Variants in EPG5 observed in about 807,000 individuals in gnomAD.
The protein encoded by EPG5 is ectopic P-granules 5 autophagy tethering factor, also known as ectopic P granules protein 5 homolog.
EPG5 carries 159 observed loss-of-function variants against 302.7 expected under a neutral mutation model. The ratio of observed to expected loss-of-function variants is 0.53; its 90% CI spans 0.46 to 0.60. The LOEUF is 0.60. EPG5 is among the 20% of genes least tolerant of loss of function. EPG5 has a pLI of 0.00. For synonymous variants in EPG5, 1,158 were observed against 1,136.8 expected (o/e 1.02, Z -0.37); for missense variants, 2,896 against 3,092.4 (o/e 0.94, Z 1.51).
At chr18:45,825,429 G>A in the EPG5 span, 13 of 494,706 alleles carry the variant, frequency 2.6e-5, no homozygotes, top group African/African-American at 1.7e-4. Flanking sequence ...GGCAGCCACA[G>A]GAAATGGCCC....
At chr18:45,930,941 C>CT (rs2050384495) in intron 11 of EPG5, 111 bp from the exon 12 acceptor site, 6 of 1,065,268 alleles carry the variant, frequency 5.6e-6, no homozygotes, top group Non-Finnish European at 7.8e-6. Flanking sequence ...AAAGGTCTTT[C>CT]TTTGTTCCAA....
chr18:45,864,478 C>T (rs976016427), intron 39 of EPG5, among the ~76,000 whole-genome samples: 1 of 152,176 alleles, frequency 6.6e-6, no homozygotes, highest in Non-Finnish European at 1.5e-5. Flanking sequence ...CTTATTTCAG[C>T]ATATAATAAA....
intron 22 of EPG5, 32 bp from the exon 23 acceptor site, chr18:45,910,774 T>A (rs761850164): frequency 6.4e-7 from 1 of 1,552,146 alleles, no homozygotes. Flanking sequence ...TCTATAACCT[T>A]TCAACACAAG....
chr18:45,922,663 C>T lies in EPG5; in HGVS notation c.2839-63G>A, dbSNP rs956262079. 13 of 1,559,658 alleles carry T rather than the reference C, an allele frequency of 8.3e-6. No individual in the cohort carries two copies. In the African/African-American group the frequency reaches 1.4e-4, roughly 16 times the overall value. ...CACAAATTAAATCAGTAAGCTCATA[C>T]ACTCATCTCCTTTTGTGACCAACAA... is the stretch of plus-strand genomic sequence containing the variant. On this transcript the variant is annotated intron_variant, in intron 15 of 43. Transcript: ENST00000282041.
chr18:45,931,482 T>A (rs988572517), intron 11 of EPG5, among the ~76,000 whole-genome samples: 1 of 152,144 alleles, frequency 6.6e-6, no homozygotes, highest in Admixed American at 6.6e-5. Flanking sequence ...CAAATATACA[T>A]GACAGTAAAC....
intron 10 of EPG5, among the ~76,000 whole-genome samples, chr18:45,935,931 G>A (rs1168437897): frequency 6.6e-6 from 1 of 152,064 alleles, no homozygotes; most frequent in Admixed American, 6.6e-5. Flanking sequence ...AGCCCTCCTT[G>A]GACTTCCTCC....
In EPG5 at chr18:45,866,970, GAGCTT is replaced by G; in HGVS notation, c.6444_6448del (p.Ser2149ThrfsTer35). 1 of 1,614,180 alleles carries G rather than the reference GAGCTT, an allele frequency of 6.2e-7. No individual in the cohort carries two copies. The highest frequency in any genetic ancestry group is 1.1e-5 in the South Asian group (1 of 91,086). ...AATATCCACAAGATGCCATGAAAGTGAGCTTGTCTGTCCAAGGAGACTAAGTAAAG... is the reference window on the plus strand; with the variant it reads ...AATATCCACAAGATGCCATGAAAGTGGTCTGTCCAAGGAGACTAAGTAAAG... On this transcript the variant is annotated frameshift_variant, in exon 38 of 44. Coordinates refer to ENST00000282041, the MANE Select transcript of EPG5 (RefSeq NM_020964.3). LOFTEE classifies it high-confidence loss of function.
In EPG5 at chr18:45,884,625, G is replaced by C; in HGVS notation, c.5296C>G (p.Leu1766Val). The C allele has an allele frequency of 6.2e-7, 1 of 1,601,854 alleles. No individual in the cohort carries two copies. The highest frequency in any genetic ancestry group is 8.5e-7 in the Non-Finnish European group (1 of 1,175,964). ...ATGGAATTACATCTTACCTTGGTTA[G>C]CAGCATGAAAATCATATCACTGTTG... Reference protein sequence around the residue: ...EDNSDMIFMLLTKFDLKQWLS... With the variant: ...EDNSDMIFMLVTKFDLKQWLS... The change falls in exon 30 of 44, where the codon CTA becomes GTA. Residue 1766 changes from leucine (L) to valine (V), a missense_variant. Physicochemically the swap from Leu to Val is conservative, Grantham distance 32. Around this residue, in one of 5 missense-constraint regions of EPG5, gnomAD observed 790 missense variants for 798.0 expected, o/e 0.99. Coordinates refer to ENST00000282041, the MANE Select transcript of EPG5 (RefSeq NM_020964.3).
intron 24 of EPG5, chr18:45,907,329 C>T (rs2049777874): frequency 6.6e-6 from 1 of 152,122 alleles, no homozygotes; most frequent in Admixed American, 6.6e-5. Context: ...AATTATCTTC[C>T]CCACTTTTTC....
downstream of EPG5, among the ~76,000 whole-genome samples, chr18:45,844,892 T>G (rs1194342740): frequency 6.6e-6 from 1 of 152,212 alleles, no homozygotes; most frequent in Non-Finnish European, 1.5e-5. Context: ...GAGGCCAGTT[T>G]CACAGCCAAG....
chr18:45,884,408 C>T (rs191187085), intron 30 of EPG5, among the ~76,000 whole-genome samples: 218 of 152,204 alleles, frequency 1.4e-3, no homozygotes, highest in African/African-American at 5.1e-3. Context: ...GGTTGGAGAC[C>T]ACTGCTATAC....
At chr18:45,896,941 T>C (rs2049493073) in intron 27 of EPG5, among the ~76,000 whole-genome samples, 1 of 152,246 alleles carries the variant, frequency 6.6e-6, no homozygotes, top group Admixed American at 6.5e-5. Flanking sequence ...ATAAATCATC[T>C]TTTCTCTGAC....
At chr18:45,861,698 T>C (rs994832054) in intron 39 of EPG5, among the ~76,000 whole-genome samples, 3 of 152,220 alleles carry the variant, frequency 2.0e-5, no homozygotes, top group African/African-American at 4.8e-5. Context: ...ACTTACAATA[T>C]CTACATGAAA....
intron 39 of EPG5, among the ~76,000 whole-genome samples, chr18:45,862,504 A>G (rs1487458419): frequency 6.6e-6 from 1 of 152,174 alleles, no homozygotes; most frequent in Admixed American, 6.5e-5. Flanking sequence ...GTGGCTGAAT[A>G]TGGGGGTAGG....
At chr18:45,965,353 C>T (rs1490152382) in intron 1 of EPG5, among the ~76,000 whole-genome samples, 1 of 152,198 alleles carries the variant, frequency 6.6e-6, no homozygotes, top group Admixed American at 6.5e-5. Flanking sequence ...AAGCACTATA[C>T]TCATTACCTG....
chr18:45,888,869 C>A (rs938290408), intron 28 of EPG5, among the ~76,000 whole-genome samples: 4 of 152,132 alleles, frequency 2.6e-5, no homozygotes, highest in Non-Finnish European at 5.9e-5. Flanking sequence ...TGTTATTTAA[C>A]TTTTTGTATT....
chr18:45,850,147 C>G lies in EPG5; in HGVS notation c.*2320G>C, dbSNP rs927546882. 1 of 152,366 alleles carries G rather than the reference C, an allele frequency of 6.6e-6. No homozygotes were observed. Among genetic ancestry groups the G allele is most frequent in the African/African-American group, 2.4e-5 (1 of 41,462 alleles). The allele number at this position is 152,366 out of a possible 1,614,324, so 9.4% of individuals were successfully genotyped here. A position where few individuals can be genotyped will look rare whatever the true frequency, so the allele number is the denominator to read the frequency against. On this transcript the variant is annotated 3_prime_UTR_variant, in exon 44 of 44. Coordinates refer to ENST00000282041, the MANE Select transcript of EPG5 (RefSeq NM_020964.3). ...GGTCCCGATGCCACTGTTGGCCACC[C>G]TGTGGTGAAGTCTGGAGCCTGCAGC...
At chr18:45,811,500 T>C in the EPG5 span, among the ~76,000 whole-genome samples, 7 of 152,092 alleles carry the variant, frequency 4.6e-5, no homozygotes, top group Non-Finnish European at 1.0e-4. Context: ...TGATGAACAT[T>C]GATGCAAAAA....
chr18:45,914,916 G>T (rs573100966), intron 20 of EPG5, among the ~76,000 whole-genome samples: 13 of 151,656 alleles, frequency 8.6e-5, no homozygotes, highest in Non-Finnish European at 1.9e-4. Flanking sequence ...ACAGGAGATT[G>T]AGACCAGCCT....
Sources: gnomAD v4.1 joint callset for allele counts (sites outside exome capture counted in the v4.1 genomes callset) on GRCh38, gnomAD v4.1.1 for gene constraint, gnomAD v4.1.1 regional missense constraint, MANE v1.5 for transcripts, NCBI Gene and HGNC (gene_info 2026-07-23, HGNC 2026-07-21) for gene names.